KCNK2: variants seen among roughly 807,000 people sequenced by gnomAD.
KCNK2 encodes the protein potassium channel subfamily K member 2.
A neutral mutation model predicts 40.5 loss-of-function variants in KCNK2; 21 were observed. That is an observed-to-expected ratio of 0.52 (90% confidence interval 0.37 to 0.75). The LOEUF is 0.75. Ranked by LOEUF, KCNK2 falls within the 30% of genes least tolerant of loss-of-function variation. The pLI is 0.00. For missense variants in KCNK2, 399 were observed against 531.6 expected (o/e 0.75, Z 2.45); for synonymous variants, 191 against 202.2 (o/e 0.94, Z 0.47).
chr1:215,010,900 G>GTGTGTGTA (rs1553254966), intron 1 of KCNK2, among the ~76,000 whole-genome samples: 2,249 of 137,550 alleles, frequency 0.016, 26 homozygotes, highest in Non-Finnish European at 0.026. Context: ...GTGTGTGTAT[G>GTGTGTGTA]TGTGTGTATA....
At chr1:215,128,154 G>A (rs10864155) in intron 3 of KCNK2, among the ~76,000 whole-genome samples, 7,489 of 152,224 alleles carry the variant, frequency 0.049, 205 homozygotes, top group Middle Eastern at 0.13. Flanking sequence ...AGAGTTGAGG[G>A]ATGCTTCCTT....
intron 6 of KCNK2, among the ~76,000 whole-genome samples, chr1:215,227,582 G>C (rs1038626078): frequency 1.3e-5 from 2 of 152,100 alleles, no homozygotes; most frequent in African/African-American, 4.8e-5. Context: ...AGTGAAACAG[G>C]CATCAATTGG....
intron 1 of KCNK2, among the ~76,000 whole-genome samples, chr1:215,055,647 C>T (rs1291056323): frequency 6.6e-6 from 1 of 152,186 alleles, no homozygotes; most frequent in African/African-American, 2.4e-5. Context: ...GTTTTCTAGT[C>T]TTTCTTCTTT....
At chr1:215,199,456 T>C (rs562594099) in intron 6 of KCNK2, among the ~76,000 whole-genome samples, 5 of 152,368 alleles carry the variant, frequency 3.3e-5, no homozygotes, top group African/African-American at 7.2e-5. Flanking sequence ...GAGGAAATGA[T>C]TTGTTGAAAC....
chr1:215,165,050 G>A (rs1663380558), intron 3 of KCNK2, among the ~76,000 whole-genome samples: 1 of 152,144 alleles, frequency 6.6e-6, no homozygotes, highest in South Asian at 2.1e-4. Flanking sequence ...GTATCATAAG[G>A]AATCCTAGAA....
intron 1 of KCNK2, among the ~76,000 whole-genome samples, chr1:215,043,637 G>C (rs145679990): frequency 6.6e-6 from 1 of 152,166 alleles, no homozygotes; most frequent in African/African-American, 2.4e-5. Flanking sequence ...CATGGGCTTG[G>C]GGGAGGGAGG....
At chr1:215,076,012 T>C (rs913945570) in intron 1 of KCNK2, among the ~76,000 whole-genome samples, 2 of 152,254 alleles carry the variant, frequency 1.3e-5, no homozygotes, top group African/African-American at 4.8e-5. Flanking sequence ...GTGATTCTAA[T>C]GTACATTCAA....
At chr1:215,210,215 A>T (rs1424241958) in intron 6 of KCNK2, among the ~76,000 whole-genome samples, 1 of 150,272 alleles carries the variant, frequency 6.7e-6, no homozygotes, top group Admixed American at 6.7e-5. Flanking sequence ...GTATAAATTC[A>T]TCTTAGCTCT....
chr1:215,230,200 C>A (rs539806289), intron 6 of KCNK2, among the ~76,000 whole-genome samples: 6 of 148,574 alleles, frequency 4.0e-5, no homozygotes, highest in Non-Finnish European at 5.9e-5. Flanking sequence ...CACCATTGTG[C>A]CAACATCATA....
intron 2 of KCNK2, among the ~76,000 whole-genome samples, chr1:215,121,184 C>T (rs902333211): frequency 3.9e-5 from 6 of 152,058 alleles, no homozygotes; most frequent in South Asian, 2.1e-4. Context: ...AGGTAAAAAC[C>T]GAAATCAAAC....
chr1:215,090,376 A>T (rs1039634589), intron 2 of KCNK2, among the ~76,000 whole-genome samples: 2 of 152,162 alleles, frequency 1.3e-5, no homozygotes, highest in Admixed American at 1.3e-4. Context: ...TCTAGCACTT[A>T]CTTCTGGTAT....
intron 1 of KCNK2, among the ~76,000 whole-genome samples, chr1:215,011,059 A>G (rs910539431): frequency 2.0e-5 from 3 of 150,980 alleles, no homozygotes; most frequent in Admixed American, 6.6e-5. Context: ...AAAATTCACT[A>G]TTTTTTGTGC....
At chr1:215,049,905 G>A (rs914954085) in intron 1 of KCNK2, among the ~76,000 whole-genome samples, 2 of 152,098 alleles carry the variant, frequency 1.3e-5, no homozygotes, top group Admixed American at 6.5e-5. Flanking sequence ...AATTACTATA[G>A]CATTATAACA....
chr1:215,196,473 A>G (rs1039968322), intron 6 of KCNK2, among the ~76,000 whole-genome samples: 4 of 152,200 alleles, frequency 2.6e-5, no homozygotes, highest in African/African-American at 7.2e-5. Context: ...CAAGGATACC[A>G]TATTTCCTAA....
At chr1:215,222,137 C>CCCCCATGA (rs1666204609) in intron 6 of KCNK2, among the ~76,000 whole-genome samples, 3 of 152,148 alleles carry the variant, frequency 2.0e-5, no homozygotes, top group African/African-American at 4.8e-5. Flanking sequence ...GAGGGATCCA[C>CCCCCATGA]CCCCATGACC....
At chr1:215,138,945 T>C (rs1662046224) in intron 3 of KCNK2, among the ~76,000 whole-genome samples, 2 of 152,210 alleles carry the variant, frequency 1.3e-5, no homozygotes, top group South Asian at 4.1e-4. Context: ...CAACTTAAGA[T>C]AGGTGCTTTG....
intron 3 of KCNK2, among the ~76,000 whole-genome samples, chr1:215,126,780 G>T (rs1191835574): frequency 6.6e-6 from 1 of 152,110 alleles, no homozygotes; most frequent in Non-Finnish European, 1.5e-5. Context: ...AGGCCCTTTA[G>T]GTAGTTGCCT....
intron 6 of KCNK2, among the ~76,000 whole-genome samples, chr1:215,226,744 G>T (rs2102706518): frequency 6.6e-6 from 1 of 151,988 alleles, no homozygotes; most frequent in East Asian, 1.9e-4. Context: ...TTAGAGGGCT[G>T]GTAAGCAGAA....
At chr1:215,062,297 T>A (rs935435573) in intron 1 of KCNK2, among the ~76,000 whole-genome samples, 1 of 152,108 alleles carries the variant, frequency 6.6e-6, no homozygotes, top group Non-Finnish European at 1.5e-5. Flanking sequence ...ACAAAGGCAG[T>A]CAGTACTGGT....
Sources: gnomAD v4.1 joint callset for allele counts (sites outside exome capture counted in the v4.1 genomes callset) on GRCh38, gnomAD v4.1.1 for gene constraint, MANE v1.5 for transcripts, NCBI Gene and HGNC (gene_info 2026-07-23, HGNC 2026-07-21) for gene names.